The following RAPGEF4 variants were observed in gnomAD, a reference collection of about 807,000 sequenced individuals.
RAPGEF4 encodes the protein RAP guanine-nucleotide-exchange factor (GEF) 4.
RAPGEF4 carries 66 observed loss-of-function variants against 147.9 expected under a neutral mutation model. That is an observed-to-expected ratio of 0.45 (90% CI 0.37 to 0.55). The LOEUF is 0.55. RAPGEF4 is among the 20% of genes least tolerant of loss of function. The pLI is 0.00. For synonymous variants in RAPGEF4, 419 were observed against 442.7 expected, an observed-to-expected ratio of 0.95 and a Z score of 0.67; for missense variants, 1,071 against 1,257.3, an observed-to-expected ratio of 0.85 and a Z score of 2.24.
At chr2:172,876,896 G>A (rs182347887) in intron 4 of RAPGEF4, among the ~76,000 whole-genome samples, 14 of 152,158 alleles carry the variant, frequency 9.2e-5, no homozygotes, top group Non-Finnish European at 8.8e-5. Flanking sequence ...TGGTTGGTAG[G>A]CTATTAATTA....
Position 173,001,250 on chromosome 2 carries a change from T to C in RAPGEF4, c.1580-16T>C. The C allele has an allele frequency of 6.2e-7, 1 of 1,613,484 alleles. No homozygotes were observed. The highest frequency in any genetic ancestry group is 8.5e-7 in the Non-Finnish European group (1 of 1,179,828). On this transcript the variant is annotated splice_polypyrimidine_tract_variant and intron_variant, in intron 16 of 30. Coordinates refer to ENST00000397081, the MANE Select transcript of RAPGEF4 (RefSeq NM_007023.4). ...ACAAGAACCTAATTTCCTTTTCTGT[T>C]TTTTTCCCCTTCCAGATTCTGTTTT...
chr2:172,978,203 C>G (rs913980231), intron 10 of RAPGEF4, among the ~76,000 whole-genome samples: 6 of 151,818 alleles, frequency 4.0e-5, no homozygotes, highest in Admixed American at 1.3e-4. Context: ...GTCACACCCC[C>G]CCCAGAGCTT....
At chr2:172,762,076 C>T (rs1340785042) in intron 1 of RAPGEF4, among the ~76,000 whole-genome samples, 2 of 152,116 alleles carry the variant, frequency 1.3e-5, no homozygotes, top group East Asian at 1.9e-4. Context: ...GAGCCAAGAT[C>T]GTGCCATGGC....
chr2:172,803,271 A>T (rs1204454632), intron 3 of RAPGEF4, among the ~76,000 whole-genome samples: 1 of 152,314 alleles, frequency 6.6e-6, no homozygotes, highest in Non-Finnish European at 1.5e-5. Flanking sequence ...CTGCCTGGAC[A>T]TCCATGCATT....
chr2:172,969,269 G>A (rs1322892251), intron 10 of RAPGEF4, among the ~76,000 whole-genome samples: 2 of 152,220 alleles, frequency 1.3e-5, no homozygotes, highest in Non-Finnish European at 2.9e-5. Context: ...AGGTGCTAAG[G>A]CATTAAGGTA....
In RAPGEF4 at chr2:172,852,801, G is replaced by T. The variant is rs1450742905; in HGVS notation, c.444+38376G>T. On this transcript the variant is annotated intron_variant, in intron 4 of 30. Coordinates refer to ENST00000397081, the MANE Select transcript of RAPGEF4 (RefSeq NM_007023.4). ...AGACATATCTTTTTATTTTTAATTTGATGAGAGTTTTTTTAAAAATCACAC... is the reference window on the plus strand; with the variant it reads ...AGACATATCTTTTTATTTTTAATTTTATGAGAGTTTTTTTAAAAATCACAC... Among the ~76,000 whole-genome samples, 6 of 151,942 alleles carry T rather than the reference G, an allele frequency of 3.9e-5. No homozygotes were observed. The South Asian group carries it at 1.0e-3, about 26-fold the overall frequency.
At chr2:172,876,643 C>T (rs1344541867) in intron 4 of RAPGEF4, among the ~76,000 whole-genome samples, 13 of 152,188 alleles carry the variant, frequency 8.5e-5, no homozygotes, top group Admixed American at 2.6e-4. Flanking sequence ...CTGCTGGATT[C>T]GGTTTGCCAG....
At chr2:172,793,288 C>T (rs865901770) in intron 1 of RAPGEF4, among the ~76,000 whole-genome samples, 3 of 152,064 alleles carry the variant, frequency 2.0e-5, no homozygotes, top group Non-Finnish European at 4.4e-5. Context: ...TCTACAAGAC[C>T]CTATTTCCAA....
chr2:173,008,855 A>G (rs1201737738), intron 17 of RAPGEF4, among the ~76,000 whole-genome samples: 2 of 152,242 alleles, frequency 1.3e-5, no homozygotes, highest in South Asian at 2.1e-4. Context: ...AATATATGAA[A>G]TAATTACAGT....
At chr2:172,973,854 T>G (rs1249127362) in intron 10 of RAPGEF4, among the ~76,000 whole-genome samples, 1 of 152,226 alleles carries the variant, frequency 6.6e-6, no homozygotes, top group East Asian at 1.9e-4. Flanking sequence ...TACGTGCATT[T>G]GACCCAAGAG....
intron 14 of RAPGEF4, among the ~76,000 whole-genome samples, chr2:172,989,501 C>G (rs1692613669): frequency 6.6e-6 from 1 of 152,122 alleles, no homozygotes; most frequent in Non-Finnish European, 1.5e-5. Context: ...GTTGGCTCTG[C>G]AGATGAGCCT....
chr2:172,812,129 G>A lies in RAPGEF4; in HGVS notation c.298-2150G>A, dbSNP rs561988298. Among the ~76,000 whole-genome samples the A allele has an allele frequency of 3.2e-4, 48 of 152,268 alleles. No homozygotes were observed. In the Middle Eastern group the frequency reaches 0.014, roughly 43 times the overall value. On this transcript the variant is annotated intron_variant, in intron 3 of 30. Coordinates refer to ENST00000397081, the MANE Select transcript of RAPGEF4 (RefSeq NM_007023.4). The stretch of plus-strand genomic sequence containing the variant: ...TACTCCTTTCAGGTGAGGTTTTCCA[G>A]TCCTACTTTTAAGATCATATCTTGT...
chr2:172,802,715 C>G (rs144190002), intron 3 of RAPGEF4, among the ~76,000 whole-genome samples: 76 of 152,312 alleles, frequency 5.0e-4, no homozygotes, highest in African/African-American at 1.8e-3. Flanking sequence ...AGTCCACAGT[C>G]CAATGTCTTA....
chr2:172,862,737 T>C (rs1336391079), intron 4 of RAPGEF4, among the ~76,000 whole-genome samples: 2 of 152,222 alleles, frequency 1.3e-5, no homozygotes, highest in Non-Finnish European at 2.9e-5. Flanking sequence ...ACTTGCAAGT[T>C]AGGTGGTTTG....
intron 4 of RAPGEF4, among the ~76,000 whole-genome samples, chr2:172,836,194 G>A (rs142791119): frequency 1.5e-3 from 227 of 152,214 alleles, no homozygotes; most frequent in Middle Eastern, 0.01. Context: ...AAATCTTCAT[G>A]GTAGCTTCCT....
At chr2:173,020,451 T>A (rs1695972681) in intron 22 of RAPGEF4, among the ~76,000 whole-genome samples, 167 bp from the exon 23 acceptor site, 1 of 152,232 alleles carries the variant, frequency 6.6e-6, no homozygotes, top group Non-Finnish European at 1.5e-5. Flanking sequence ...CAGGGCTGCA[T>A]GAATGCCGTC....
At chr2:172,922,197 G>A in intron 5 of RAPGEF4, 84 bp from the exon 6 acceptor site, 2 of 1,333,004 alleles carry the variant, frequency 1.5e-6, no homozygotes, top group Non-Finnish European at 2.2e-6. Context: ...ATTTTACTTG[G>A]TTTGGTTCAG....
At chr2:172,805,971 C>T (rs963517180) in intron 3 of RAPGEF4, among the ~76,000 whole-genome samples, 12 of 151,112 alleles carry the variant, frequency 7.9e-5, no homozygotes, top group Non-Finnish European at 1.5e-5. Context: ...AGCTTAAAAA[C>T]AATAAATAGG....
intron 4 of RAPGEF4, chr2:172,917,441 A>G (rs777707232): frequency 3.6e-6 from 2 of 549,828 alleles, no homozygotes; most frequent in South Asian, 1.5e-5. Context: ...TTGTATCTGC[A>G]TCTATAAAGC....
Sources: gnomAD v4.1 joint callset for allele counts (sites outside exome capture counted in the v4.1 genomes callset) on GRCh38, gnomAD v4.1.1 for gene constraint, MANE v1.5 for transcripts, NCBI Gene and HGNC (gene_info 2026-07-23, HGNC 2026-07-21) for gene names.